FBXL20: variants seen among roughly 807,000 people sequenced by gnomAD.
FBXL20 encodes F-box and leucine rich repeat protein 20, also known as F-box/LRR-repeat protein 20.
Under a neutral mutation model 64.0 loss-of-function variants are expected in FBXL20, and 11 were observed. The ratio of observed to expected loss-of-function variants is 0.17; its 90% CI spans 0.11 to 0.28. The LOEUF (loss-of-function observed/expected upper bound fraction) is 0.28, where lower values mean the gene tolerates loss of function less well. Among genes scored for constraint, FBXL20 ranks in the 10% least tolerant of loss-of-function variants. The pLI is 1.00. For missense variants in FBXL20, 303 were observed against 526.2 expected, an observed-to-expected ratio of 0.58 and a Z score of 4.15; for synonymous variants, 184 against 189.0, an observed-to-expected ratio of 0.97 and a Z score of 0.22.
chr17:39,401,950 G>T, upstream of FBXL20: 1 of 440,016 alleles, frequency 2.3e-6, no homozygotes. Flanking sequence ...GCGCGTGCTC[G>T]CGGACCAGCG....
intron 1 of FBXL20, among the ~76,000 whole-genome samples, chr17:39,358,148 G>A (rs976612973): frequency 1.3e-5 from 2 of 152,168 alleles, no homozygotes; most frequent in Non-Finnish European, 2.9e-5. Flanking sequence ...GAGCTCTGAT[G>A]TCCAAGGAAA....
At chr17:39,354,508 C>G (rs1225696967) in intron 1 of FBXL20, among the ~76,000 whole-genome samples, 1 of 152,154 alleles carries the variant, frequency 6.6e-6, no homozygotes, top group Non-Finnish European at 1.5e-5. Flanking sequence ...AGACTATAAG[C>G]TCTGAGAGGA....
intron 12 of FBXL20, among the ~76,000 whole-genome samples, chr17:39,267,861 C>T (rs2046806013): frequency 1.3e-5 from 2 of 152,116 alleles, no homozygotes; most frequent in South Asian, 2.1e-4. Context: ...AAGAGATAAA[C>T]GGATGCGAAC....
chr17:39,281,517 A>G, intron 8 of FBXL20, 54 bp from the exon 9 acceptor site: 1 of 1,455,630 alleles, frequency 6.9e-7, no homozygotes, highest in Non-Finnish European at 9.5e-7. Context: ...TCTCAAAGGA[A>G]AGAGATTTAA....
At chr17:39,370,794 CAAAAAAAAAAA>C (rs34338616) in intron 1 of FBXL20, among the ~76,000 whole-genome samples, 2 of 75,660 alleles carry the variant, frequency 2.6e-5, no homozygotes, top group Non-Finnish European at 5.4e-5. Flanking sequence ...GACTCCGTCT[CAAAAAAAAAAA>C]AAAAAGAAAA....
At chr17:39,357,322 A>G (rs1167993739) in intron 1 of FBXL20, among the ~76,000 whole-genome samples, 1 of 149,248 alleles carries the variant, frequency 6.7e-6, no homozygotes, top group Non-Finnish European at 1.5e-5. Context: ...GAATTGCTTT[A>G]GTACCTTAAT....
chr17:39,361,952 G>A (rs11869109), intron 1 of FBXL20, among the ~76,000 whole-genome samples: 2 of 149,200 alleles, frequency 1.3e-5, no homozygotes, highest in Non-Finnish European at 3.0e-5. Context: ...AAAGAGTAAA[G>A]TTTTAAAAAT....
chr17:39,293,794 T>C (rs1243081826), intron 6 of FBXL20, among the ~76,000 whole-genome samples: 3 of 151,972 alleles, frequency 2.0e-5, no homozygotes, highest in Non-Finnish European at 4.4e-5. Flanking sequence ...CAGAGTTTAC[T>C]ATTCAGCCAA....
intron 4 of FBXL20, among the ~76,000 whole-genome samples, chr17:39,299,400 A>C (rs2047114725): frequency 6.6e-6 from 1 of 152,212 alleles, no homozygotes; most frequent in Non-Finnish European, 1.5e-5. Flanking sequence ...CTACTGAAAG[A>C]CAGCAACTAC....
At chr17:39,304,636 G>T (rs1242247871) in intron 2 of FBXL20, among the ~76,000 whole-genome samples, 1 of 152,028 alleles carries the variant, frequency 6.6e-6, no homozygotes, top group Non-Finnish European at 1.5e-5. Context: ...CTGTCACCCA[G>T]GTTGGAATGC....
chr17:39,348,529 C>G (rs527860243), intron 1 of FBXL20, among the ~76,000 whole-genome samples: 2 of 152,070 alleles, frequency 1.3e-5, no homozygotes, highest in African/African-American at 4.8e-5. Context: ...TGGCCTCAAG[C>G]AATCTTCCTG....
At chr17:39,380,765 T>C (rs2048014204) in intron 1 of FBXL20, among the ~76,000 whole-genome samples, 1 of 152,156 alleles carries the variant, frequency 6.6e-6, no homozygotes, top group Non-Finnish European at 1.5e-5. Context: ...AACACCAGGA[T>C]GTAAAAAGTG....
chr17:39,344,607 G>A (rs567856516), intron 1 of FBXL20, among the ~76,000 whole-genome samples: 431 of 150,616 alleles, frequency 2.9e-3, no homozygotes, highest in Non-Finnish European at 5.3e-3. Context: ...CCAACATGGC[G>A]AAACCCCATC....
intron 2 of FBXL20, among the ~76,000 whole-genome samples, chr17:39,340,164 T>C (rs755432923): frequency 1.3e-5 from 2 of 151,766 alleles, no homozygotes; most frequent in African/African-American, 2.4e-5. Context: ...TGGCGCGATC[T>C]TGGCTCACTG....
chr17:39,272,701 C>CAAAAAA (rs56138431), intron 10 of FBXL20, among the ~76,000 whole-genome samples: 1 of 98,850 alleles, frequency 1.0e-5, no homozygotes, highest in Non-Finnish European at 2.1e-5. Flanking sequence ...AACTCTATCT[C>CAAAAAA]AAAAAAAAAA....
intron 1 of FBXL20, among the ~76,000 whole-genome samples, chr17:39,386,350 C>T (rs570547103): frequency 3.7e-4 from 56 of 151,358 alleles, no homozygotes; most frequent in African/African-American, 1.3e-3. Context: ...AGTCTAGGGA[C>T]GGGTGACGTG....
At chr17:39,273,039 T>C (rs896288669) in intron 10 of FBXL20, among the ~76,000 whole-genome samples, 1 of 152,150 alleles carries the variant, frequency 6.6e-6, no homozygotes, top group African/African-American at 2.4e-5. Context: ...CAAAAGGTTT[T>C]TTTGTTTGTT....
chr17:39,289,870 G>A (rs1014278748), intron 6 of FBXL20, among the ~76,000 whole-genome samples: 1 of 151,610 alleles, frequency 6.6e-6, no homozygotes, highest in African/African-American at 2.4e-5. Context: ...TTGGTGGCAA[G>A]TGCCTGTAAT....
At chr17:39,390,267 CA>C (rs1279108692) in intron 1 of FBXL20, among the ~76,000 whole-genome samples, 1 of 151,836 alleles carries the variant, frequency 6.6e-6, no homozygotes, top group Non-Finnish European at 1.5e-5. Context: ...CAAAAAAATA[CA>C]AAAATTGGCC....
Sources: gnomAD v4.1 joint callset for allele counts (sites outside exome capture counted in the v4.1 genomes callset) on GRCh38, gnomAD v4.1.1 for gene constraint, MANE v1.5 for transcripts, NCBI Gene and HGNC (gene_info 2026-07-23, HGNC 2026-07-21) for gene names.